Variants in SYT4 observed in about 807,000 individuals in gnomAD.
SYT4 encodes synaptotagmin 4.
SYT4 carries 7 observed loss-of-function variants against 32.9 expected under a neutral mutation model. That is an observed-to-expected ratio of 0.21 (90% confidence interval 0.12 to 0.40). The LOEUF (loss-of-function observed/expected upper bound fraction) is 0.40, where lower values mean the gene tolerates loss of function less well. Among genes scored for constraint, SYT4 ranks in the 10% least tolerant of loss-of-function variants. SYT4 has a pLI of 1.00. For missense variants in SYT4, 480 were observed against 488.0 expected (o/e 0.98, Z 0.16); for synonymous variants, 205 against 186.2 (o/e 1.10, Z -0.82).
In SYT4 at chr18:43,273,675, C is replaced by T. The variant is rs748247817; in HGVS notation, c.754G>A (p.Asp252Asn). The T allele has an allele frequency of 6.2e-7, 1 of 1,613,958 alleles. No individual in the cohort carries two copies. The highest frequency in any genetic ancestry group is 2.2e-5 in the East Asian group (1 of 44,858). The part of the protein sequence containing the change: ...ILSFDRFSRD[D>N]IIGEVLIPLS... ...GGAATTAGAACTTCCCCAATGATAT[C>T]ATCTCTTGAAAACCTGTCAAAACTC... Residue 252 changes from aspartate (D) to asparagine (N), a missense_variant, in exon 2 of 4, where the codon GAT becomes AAT. Transcript: ENST00000255224.
rs191365899 is a variant in SYT4 at position 43,272,074 on chromosome 18, G to A, written c.850-242C>T. On this transcript the variant is annotated intron_variant, in intron 2 of 3. Transcript: ENST00000255224. ...AGGAAGTTAAAATTGGCAATAAATT[G>A]GCCACACCCATTACTTAGAAATGTT... The A allele has an allele frequency of 1.3e-3, 354 of 266,686 alleles. 2 individuals are homozygous for A. The highest frequency in any genetic ancestry group is 7.6e-3 in the African/African-American group (341 of 44,800). 16.5% of individuals were successfully genotyped at this position (266,686 alleles called of 1,614,324 possible). A position where few individuals can be genotyped will look rare whatever the true frequency, so the allele number is the denominator to read the frequency against.
intron 2 of SYT4, among the ~76,000 whole-genome samples, chr18:43,272,489 C>T (rs1484604782): frequency 2.6e-5 from 4 of 152,060 alleles, no homozygotes; most frequent in Admixed American, 6.6e-5. Flanking sequence ...TCCTTCTTTG[C>T]GTGCTACTTA....
chr18:43,277,270 G>C lies in SYT4; in HGVS notation c.12C>G (p.Ile4Met). 1 of 1,614,038 alleles carries C rather than the reference G, an allele frequency of 6.2e-7. No individual in the cohort carries two copies. Among genetic ancestry groups the C allele is most frequent in the Non-Finnish European group, 8.5e-7 (1 of 1,179,970 alleles). The change falls in exon 1 of 4, where the codon ATC (isoleucine) becomes ATG (methionine). Residue 4 changes from isoleucine to methionine, a missense_variant. Transcript: ENST00000255224. Reference sequence around the variant, plus strand: ...TACCAAATTCTTCCCGGCTGGTGGTGATCGGAGCCATTTTTTACTGCGTGT... The same window carrying C: ...TACCAAATTCTTCCCGGCTGGTGGTCATCGGAGCCATTTTTTACTGCGTGT... MAP[I>M]TTSREEFDEI...
In SYT4 at chr18:43,271,805, T is replaced by C; in HGVS notation, c.877A>G (p.Ile293Val). ...GTGGTGGACTGATAGCAGAGAGAGA[T>C]CAGTAACTCACCCCGTCCTGAAGAC... ...RKSSGRGELL[I>V]SLCYQSTTNT... The change falls in exon 3 of 4, where the codon ATC (isoleucine) becomes GTC (valine). Residue 293 changes from isoleucine (I) to valine (V), a missense_variant. Transcript: ENST00000255224. 2 of 1,613,048 alleles carry C rather than the reference T, an allele frequency of 1.2e-6. No homozygotes were observed. Among genetic ancestry groups the C allele is most frequent in the Non-Finnish European group, 1.7e-6 (2 of 1,179,198 alleles).
chr18:43,274,234 T>G lies in SYT4; in HGVS notation c.195A>C (p.Glu65Asp). The change falls in exon 2 of 4, where the codon GAA becomes GAC. Residue 65 changes from glutamate to aspartate, a missense_variant. Coordinates refer to ENST00000255224, the MANE Select transcript of SYT4 (RefSeq NM_020783.4). ...HVLKGVDIYP[E>D]NLNSKKKFGA... ...CAAACTTCTTTTTGCTATTTAGGTTTTCAGGGTAAATATCAACTCCCTTAA... is the reference window on the plus strand; with the variant it reads ...CAAACTTCTTTTTGCTATTTAGGTTGTCAGGGTAAATATCAACTCCCTTAA... 1.2e-6 allele frequency: 2 copies of G among 1,614,006 alleles called. No homozygotes were observed. Among genetic ancestry groups the G allele is most frequent in the Non-Finnish European group, 1.7e-6 (2 of 1,179,934 alleles).
chr18:43,273,063 C>T (rs1908679304), intron 2 of SYT4, among the ~76,000 whole-genome samples: 1 of 151,888 alleles, frequency 6.6e-6, no homozygotes, highest in South Asian at 2.1e-4. Flanking sequence ...GACTCATTTC[C>T]TACTATACAA....
rs1392584764 is a variant in SYT4 at position 43,274,380 on chromosome 18, C to G, written c.49G>C (p.Val17Leu). Residue 17 changes from valine to leucine, a missense_variant, in exon 2 of 4, where the codon GTG becomes CTG. Coordinates refer to ENST00000255224, the MANE Select transcript of SYT4 (RefSeq NM_020783.4). ...CCAAATGCACTGAAGATCCCCACCACTGTGGGGATTTCATCTGAAAAATCA... is the reference window on the plus strand; with the variant it reads ...CCAAATGCACTGAAGATCCCCACCAGTGTGGGGATTTCATCTGAAAAATCA... ...SREEFDEIPT[V>L]VGIFSAFGLV... The G allele has an allele frequency of 1.5e-5, 24 of 1,588,344 alleles. No individual in the cohort carries two copies. Among genetic ancestry groups the G allele is most frequent in the Non-Finnish European group, 2.0e-5 (24 of 1,173,300 alleles).
In SYT4 at chr18:43,274,138, T is replaced by C. The variant is rs1908719016; in HGVS notation, c.291A>G (p.Glu97=). 1 of 1,614,004 alleles carries C rather than the reference T, an allele frequency of 6.2e-7. No homozygotes were observed. The highest frequency in any genetic ancestry group is 1.3e-5 in the African/African-American group (1 of 74,932). Residue 97 remains glutamate, a synonymous_variant, in exon 2 of 4, where the codon GAA becomes GAG. Coordinates refer to ENST00000255224, the MANE Select transcript of SYT4 (RefSeq NM_020783.4). ...VPKNSLHLDL[E]KRDLNGNFPK... ...GAAAATTGCCATTGAGATCTCTCTT[T>C]TCAAGATCCAGATGCAATGAATTCT...
intron 1 of SYT4, 117 bp downstream of exon 1, chr18:43,277,131 T>C: frequency 7.8e-7 from 1 of 1,280,446 alleles, no homozygotes; most frequent in Non-Finnish European, 1.1e-6. Flanking sequence ...ATTTTCCTTT[T>C]AAATTAACTA....
intron 3 of SYT4, 138 bp from the exon 4 acceptor site, chr18:43,270,786 A>G (rs982767007): frequency 7.5e-5 from 64 of 855,234 alleles, no homozygotes; most frequent in African/African-American, 2.9e-4. Context: ...ACAGAAAAAT[A>G]TGGATAAAAC....
intron 1 of SYT4, among the ~76,000 whole-genome samples, chr18:43,275,444 A>T (rs1432476280): frequency 1.3e-5 from 2 of 152,140 alleles, no homozygotes; most frequent in Non-Finnish European, 2.9e-5. Flanking sequence ...AATATCATCA[A>T]AGTGAAAATA....
At chr18:43,270,720 C>T in intron 3 of SYT4, 72 bp from the exon 4 acceptor site, 1 of 1,515,168 alleles carries the variant, frequency 6.6e-7, no homozygotes, top group Non-Finnish European at 9.0e-7. Context: ...TAACAGTGCC[C>T]TTAGAGATCA....
rs1462387385 is a variant in SYT4, at chr18:43,273,823, C to A, written c.606G>T (p.Lys202Asn). The change falls in exon 2 of 4, where the codon AAG becomes AAT. Residue 202 changes from lysine to asparagine, a missense_variant. Lys to Asn is a moderately conservative substitution (Grantham distance 94). Coordinates refer to ENST00000255224, the MANE Select transcript of SYT4 (RefSeq NM_020783.4). ...PYIKMTILPEKKHKVKTRVLR... is the reference protein window; with the variant it reads ...PYIKMTILPENKHKVKTRVLR... ...GCACTCTAGTTTTCACTTTATGCTTCTTCTCTGGGAGGATCGTCATTTTGA... is the reference window on the plus strand; with the variant it reads ...GCACTCTAGTTTTCACTTTATGCTTATTCTCTGGGAGGATCGTCATTTTGA... The A allele has an allele frequency of 6.2e-7, 1 of 1,614,048 alleles. No individual in the cohort carries two copies. Among genetic ancestry groups the A allele is most frequent in the Non-Finnish European group, 8.5e-7 (1 of 1,179,938 alleles).
rs1908518554 is a variant in SYT4, at chr18:43,268,360, T to G, written c.*1981A>C. On this transcript the variant is annotated 3_prime_UTR_variant, in exon 4 of 4. Coordinates refer to ENST00000255224, the MANE Select transcript of SYT4 (RefSeq NM_020783.4). ...TTAAAAGCTAAAAACTATTTACAAA[T>G]TATCCATTTTAATTTTAAAAATGTT... 6.6e-6 allele frequency: 1 copy of G among 151,952 alleles called. No homozygotes were observed. The highest frequency in any genetic ancestry group is 2.4e-5 in the African/African-American group (1 of 41,360). 9.4% of individuals were successfully genotyped at this position (151,952 alleles called of 1,614,324 possible).
chr18:43,271,784 T>C lies in SYT4; in HGVS notation c.898A>G (p.Thr300Ala), dbSNP rs1177194974. Reference sequence around the variant, plus strand: ...ACAACCACAGTTAGAGTGTTTGTGGTGGACTGATAGCAGAGAGAGATCAGT... The same window carrying C: ...ACAACCACAGTTAGAGTGTTTGTGGCGGACTGATAGCAGAGAGAGATCAGT... The part of the protein sequence containing the change: ...ELLISLCYQS[T>A]TNTLTVVVLK... The change falls in exon 3 of 4, where the codon ACC becomes GCC. Residue 300 changes from threonine (T) to alanine (A), a missense_variant. Thr to Ala is a moderately conservative substitution (Grantham distance 58). Transcript: ENST00000255224. 1.2e-6 allele frequency: 2 copies of C among 1,613,180 alleles called. No individual in the cohort carries two copies. The highest frequency in any genetic ancestry group is 1.7e-6 in the Non-Finnish European group (2 of 1,179,364).
At chr18:43,271,090 G>C (rs1908616632) in intron 3 of SYT4, among the ~76,000 whole-genome samples, 1 of 152,094 alleles carries the variant, frequency 6.6e-6, no homozygotes, top group African/African-American at 2.4e-5. Context: ...TGAGGATTTA[G>C]AGTCCACAAT....
chr18:43,270,653 A>C lies in SYT4; in HGVS notation c.971-5T>G. The C allele has an allele frequency of 6.2e-7, 1 of 1,612,956 alleles. No homozygotes were observed. Among genetic ancestry groups the C allele is most frequent in the Non-Finnish European group, 8.5e-7 (1 of 1,179,256 alleles). Reference sequence around the variant, plus strand: ...GGTTCACTTTGACATAGGGATCTGCAGTGGAACATAACAGGCATTACAATG... The same window carrying C: ...GGTTCACTTTGACATAGGGATCTGCCGTGGAACATAACAGGCATTACAATG... On this transcript the variant is annotated splice_region_variant and splice_polypyrimidine_tract_variant and intron_variant, in intron 3 of 3. Transcript: ENST00000255224.
At position 43,273,933 on chromosome 18, in the gene SYT4, C is replaced by G; in HGVS notation, c.496G>C (p.Glu166Gln). The G allele has an allele frequency of 6.2e-7, 1 of 1,613,962 alleles. No homozygotes were observed. ...TLFFSLEYNF[E>Q]RKAFVVNIKE... is the part of the protein sequence containing the mutation. ...ATATTGACCACAAATGCTTTTCTCT[C>G]GAAGTTGTATTCTAAGGAGAAGAAG... The change falls in exon 2 of 4, where the codon GAG (glutamate) becomes CAG (glutamine). Residue 166 changes from glutamate (E) to glutamine (Q), a missense_variant. Physicochemically the swap from Glu to Gln is conservative, Grantham distance 29. Coordinates refer to ENST00000255224, the MANE Select transcript of SYT4 (RefSeq NM_020783.4).
chr18:43,268,439 C>A lies in SYT4; in HGVS notation c.*1902G>T, dbSNP rs1364836660. 1.3e-5 allele frequency: 2 copies of A among 151,554 alleles called. No individual in the cohort carries two copies. Among genetic ancestry groups the A allele is most frequent in the African/African-American group, 4.9e-5 (2 of 41,228 alleles). 9.4% of individuals were successfully genotyped at this position (151,554 alleles called of 1,614,324 possible). The stretch of plus-strand genomic sequence containing the variant: ...AAAAAAAAAAATCGGCCTCGTCCAA[C>A]AACCATACCTCAGCTGCTACCACCA... On this transcript the variant is annotated 3_prime_UTR_variant, in exon 4 of 4. Transcript: ENST00000255224.
Sources: gnomAD v4.1 joint callset for allele counts (sites outside exome capture counted in the v4.1 genomes callset) on GRCh38, gnomAD v4.1.1 for gene constraint, MANE v1.5 for transcripts, NCBI Gene and HGNC (gene_info 2026-07-23, HGNC 2026-07-21) for gene names.